PLCH1: variants seen among roughly 807,000 people sequenced by gnomAD.
PLCH1 encodes 1-phosphatidylinositol 4,5-bisphosphate phosphodiesterase eta-1.
PLCH1 carries 60 observed loss-of-function variants against 126.7 expected under a neutral mutation model. The ratio of observed to expected loss-of-function variants is 0.47; its 90% CI spans 0.38 to 0.59. The LOEUF is 0.59. Among genes scored for constraint, PLCH1 ranks in the 20% least tolerant of loss-of-function variants. PLCH1 has a pLI of 0.00. For synonymous variants in PLCH1, 719 were observed against 734.9 expected (o/e 0.98, Z 0.35); for missense variants, 1,723 against 2,040.0 (o/e 0.84, Z 2.99).
At chr3:155,529,440 TTA>T (rs1560116874) in intron 10 of PLCH1, among the ~76,000 whole-genome samples, 1 of 152,152 alleles carries the variant, frequency 6.6e-6, no homozygotes, top group African/African-American at 2.4e-5. Flanking sequence ...CTTAGAATTA[TTA>T]TGAGTGTGGT....
intron 1 of PLCH1, among the ~76,000 whole-genome samples, chr3:155,728,022 C>G (rs1577376565): frequency 6.6e-6 from 1 of 152,104 alleles, no homozygotes; most frequent in Admixed American, 6.6e-5. Context: ...GCAATGAAAA[C>G]TGAAATTCAA....
At chr3:155,732,583 A>C (rs1379196378) in intron 1 of PLCH1, among the ~76,000 whole-genome samples, 1 of 152,080 alleles carries the variant, frequency 6.6e-6, no homozygotes, top group African/African-American at 2.4e-5. Context: ...ATCAAAACTA[A>C]AAAATCAGTT....
intron 2 of PLCH1, among the ~76,000 whole-genome samples, chr3:155,703,211 G>A (rs947513824): frequency 9.2e-5 from 14 of 152,172 alleles, no homozygotes; most frequent in African/African-American, 2.7e-4. Context: ...CTTAAACTTA[G>A]TTTAAAGCAA....
intron 21 of PLCH1, chr3:155,486,346 C>T (rs889747819): frequency 1.5e-5 from 9 of 599,944 alleles, no homozygotes; most frequent in Non-Finnish European, 2.3e-5. Flanking sequence ...GTCTTATGCT[C>T]ATTCATTGTT....
At position 155,500,692 on chromosome 3, in the gene PLCH1, T is replaced by C. The variant is rs757466362; in HGVS notation, c.1796+11A>G. 6.4e-7 allele frequency: 1 copy of C among 1,560,386 alleles called. No homozygotes were observed. The highest frequency in any genetic ancestry group is 1.1e-5 in the South Asian group (1 of 89,790). ...GGAGTGTGAGTAGGAAACATGGAGA[T>C]GCTTTCTTACCTGTACAGCTGGCCA... On this transcript the variant is annotated intron_variant, in intron 14 of 22. Transcript: ENST00000460012.
intron 21 of PLCH1, among the ~76,000 whole-genome samples, chr3:155,469,126 G>A (rs146249408): frequency 0.053 from 8,090 of 152,140 alleles, 381 homozygotes; most frequent in African/African-American, 0.13. Flanking sequence ...CGTGAGCGAC[G>A]CAGAAGACGG....
intron 21 of PLCH1, chr3:155,456,675 T>C (rs1363543047): frequency 6.6e-6 from 1 of 152,274 alleles, no homozygotes; most frequent in East Asian, 1.9e-4. Context: ...ATACCTTCTC[T>C]TCTCCATTTC....
intron 2 of PLCH1, among the ~76,000 whole-genome samples, chr3:155,631,740 T>A (rs1160148571): frequency 6.6e-6 from 1 of 152,148 alleles, no homozygotes; most frequent in African/African-American, 2.4e-5. Flanking sequence ...TAGACCTACA[T>A]CTTCTTTAAA....
At chr3:155,671,366 C>T (rs538373329) in intron 2 of PLCH1, among the ~76,000 whole-genome samples, 2 of 152,194 alleles carry the variant, frequency 1.3e-5, no homozygotes, top group South Asian at 4.2e-4. Context: ...TGTCCTTTTC[C>T]TCTGATGCTA....
At position 155,462,118 on chromosome 3, in the gene PLCH1, T is replaced by C. The variant is rs554122297; in HGVS notation, c.2938+23238A>G. Among the ~76,000 whole-genome samples, 5 of 152,370 alleles carry C rather than the reference T, an allele frequency of 3.3e-5. No individual in the cohort carries two copies. The South Asian group carries it at 8.3e-4, about 25-fold the overall frequency. On this transcript the variant is annotated intron_variant, in intron 21 of 21. Coordinates refer to the PLCH1 transcript ENST00000494598. ...TGGAAATTGCAACTATGTTGATCCA[T>C]GCCAGTAGATAAGCAAGAAAAGAAT...
intron 13 of PLCH1, 127 bp downstream of exon 13, chr3:155,504,428 T>G: frequency 1.7e-6 from 1 of 571,956 alleles, no homozygotes; most frequent in Non-Finnish European, 3.1e-6. Flanking sequence ...AATATCAATC[T>G]TTTCCTTTGC....
chr3:155,639,142 T>C (rs1462774362), intron 2 of PLCH1, among the ~76,000 whole-genome samples: 1 of 152,132 alleles, frequency 6.6e-6, no homozygotes, highest in East Asian at 1.9e-4. Flanking sequence ...AAAGATAGGT[T>C]CTTGGCTGCC....
In PLCH1 at chr3:155,695,514, C is replaced by T. The variant is rs139001576; in HGVS notation, c.79+8632G>A. Among the ~76,000 whole-genome samples the T allele has an allele frequency of 1.1e-4, 17 of 152,334 alleles. No individual in the cohort carries two copies. In the East Asian group the frequency reaches 2.7e-3, roughly 24 times the overall value. ...AATAGTGAAACCGCTCTTATCTCCCCTATTAAATAAAATATAGAAATTCAT... is the reference window on the plus strand; with the variant it reads ...AATAGTGAAACCGCTCTTATCTCCCTTATTAAATAAAATATAGAAATTCAT... On this transcript the variant is annotated intron_variant, in intron 2 of 22. Coordinates refer to ENST00000460012, the MANE Select transcript of PLCH1 (RefSeq NM_014996.4).
chr3:155,505,830 G>C (rs977228875), intron 12 of PLCH1, among the ~76,000 whole-genome samples: 1 of 151,686 alleles, frequency 6.6e-6, no homozygotes, highest in Non-Finnish European at 1.5e-5. Context: ...CTCCAAGTCA[G>C]AAGACCCAGT....
chr3:155,486,057 GGAAGATGGAGTGATAT>G, intron 21 of PLCH1: 1 of 804,814 alleles, frequency 1.2e-6, no homozygotes, highest in Non-Finnish European at 2.0e-6. Flanking sequence ...GTGGTAAGCA[GGAAGATGGAGTGATAT>G]GAAAAAGCAT....
intron 2 of PLCH1, among the ~76,000 whole-genome samples, chr3:155,655,607 C>T (rs34810038): frequency 0.17 from 26,059 of 152,050 alleles, 2,620 homozygotes; most frequent in East Asian, 0.43. Flanking sequence ...ATAAAGCCTT[C>T]CATCCATAAC....
rs549229061 is a variant in PLCH1 at position 155,641,744 on chromosome 3, T to A, written c.80-45366A>T. 2.7e-3 allele frequency among the ~76,000 whole-genome samples: 409 copies of A among 152,212 alleles called. 2 individuals carry two copies. Among genetic ancestry groups the A allele is most frequent in the Middle Eastern group, 6.8e-3 (2 of 294 alleles). On this transcript the variant is annotated intron_variant, in intron 2 of 22. Coordinates refer to ENST00000460012, the MANE Select transcript of PLCH1 (RefSeq NM_014996.4). Reference sequence around the variant, plus strand: ...GTTATGTATCCAAACAAATAAAAAATTTTTAATTTTTTTTAAACTTTTTAA... The same window carrying A: ...GTTATGTATCCAAACAAATAAAAAAATTTTAATTTTTTTTAAACTTTTTAA...
At chr3:155,535,164 G>A (rs1464496942) in intron 10 of PLCH1, among the ~76,000 whole-genome samples, 1 of 152,204 alleles carries the variant, frequency 6.6e-6, no homozygotes. Flanking sequence ...GTCTCACAGG[G>A]GCCTTTGGGG....
At position 155,458,097 on chromosome 3, in the gene PLCH1, T is replaced by C. The variant is rs545953474; in HGVS notation, c.2938+27259A>G. 2.6e-5 allele frequency among the ~76,000 whole-genome samples: 4 copies of C among 152,190 alleles called. No homozygotes were observed. In the South Asian group the frequency reaches 8.3e-4, roughly 32 times the overall value. Reference sequence around the variant, plus strand: ...TGTCTCATGCCTGTAGTCCCGGCACTCTGGGAGGCCAAGGCAGGCAGATCA... The same window carrying C: ...TGTCTCATGCCTGTAGTCCCGGCACCCTGGGAGGCCAAGGCAGGCAGATCA... On this transcript the variant is annotated intron_variant, in intron 21 of 21. Coordinates refer to the PLCH1 transcript ENST00000494598.
Sources: allele counts gnomAD v4.1 joint callset (sites outside exome capture counted in the v4.1 genomes callset), GRCh38; gene constraint gnomAD v4.1.1; transcripts MANE v1.5; gene names NCBI Gene and HGNC (gene_info 2026-07-23, HGNC 2026-07-21).